Variants in ARPC1A observed in about 807,000 individuals in gnomAD.
The protein encoded by ARPC1A is actin-related protein 2/3 complex subunit 1A.
In ARPC1A, 8 loss-of-function variants were observed where a neutral mutation model predicts 46.9. That is an observed-to-expected ratio of 0.17 (90% CI 0.10 to 0.31). The LOEUF (loss-of-function observed/expected upper bound fraction) is 0.31, where lower values mean the gene tolerates loss of function less well. Ranked by LOEUF, ARPC1A falls within the 10% of genes least tolerant of loss-of-function variation. ARPC1A has a pLI of 1.00. For synonymous variants in ARPC1A, 152 were observed against 169.0 expected (o/e 0.90, Z 0.78); for missense variants, 286 against 483.6 (o/e 0.59, Z 3.83).
At chr7:99,356,508 G>A (rs890408275) in intron 6 of ARPC1A, among the ~76,000 whole-genome samples, 1 of 151,904 alleles carries the variant, frequency 6.6e-6, no homozygotes, top group African/African-American at 2.4e-5. Flanking sequence ...AGGAGGCTGA[G>A]GCAGGAGAAT....
At chr7:99,338,408 A>C in intron 3 of ARPC1A, 123 bp downstream of exon 3, 3 of 571,710 alleles carry the variant, frequency 5.2e-6, no homozygotes, top group Non-Finnish European at 8.0e-6. Flanking sequence ...TTTTTTGAGA[A>C]GGAGTATCAC....
At chr7:99,352,701 A>T (rs1283311206) in intron 5 of ARPC1A, among the ~76,000 whole-genome samples, 1 of 151,484 alleles carries the variant, frequency 6.6e-6, no homozygotes, top group Non-Finnish European at 1.5e-5. Flanking sequence ...GTGGTGGCTC[A>T]TGCCTGTAAT....
chr7:99,345,961 C>T (rs1793438166), intron 4 of ARPC1A, among the ~76,000 whole-genome samples: 2 of 152,024 alleles, frequency 1.3e-5, no homozygotes, highest in African/African-American at 4.8e-5. Context: ...TGCCTGTAAC[C>T]CCAGCACTTT....
At chr7:99,349,848 TA>T (rs1352214424) in intron 5 of ARPC1A, among the ~76,000 whole-genome samples, 1 of 139,306 alleles carries the variant, frequency 7.2e-6, no homozygotes, top group African/African-American at 2.7e-5. Context: ...TCAAAATAAA[TA>T]AATAAATAAA....
intron 5 of ARPC1A, among the ~76,000 whole-genome samples, chr7:99,352,340 C>CAGT (rs965193661): frequency 1.3e-5 from 2 of 152,062 alleles, no homozygotes; most frequent in Non-Finnish European, 2.9e-5. Context: ...GCCTGACACA[C>CAGT]AGTAGGTGCT....
intron 6 of ARPC1A, among the ~76,000 whole-genome samples, chr7:99,356,329 G>A (rs1190661181): frequency 6.6e-6 from 1 of 152,222 alleles, no homozygotes. Context: ...CTCAGGCCGG[G>A]TGCAGTGGCT....
At chr7:99,344,547 TC>T in intron 4 of ARPC1A, 32 bp downstream of exon 4, 1 of 1,604,214 alleles carries the variant, frequency 6.2e-7, no homozygotes. Context: ...TCTATCCCTC[TC>T]TATAGAATTT....
In ARPC1A at chr7:99,358,660, C is replaced by G. The variant is rs1793684410; in HGVS notation, c.789+245C>G. On this transcript the variant is annotated intron_variant, in intron 7 of 9. Coordinates refer to ENST00000262942, the MANE Select transcript of ARPC1A (RefSeq NM_006409.4). ...GGTTCAAGCGATTCTCCCGCCTCAG[C>G]CTCTCGAGGAACTGGGAATATAGGC... 10 of 438,994 alleles carry G rather than the reference C, an allele frequency of 2.3e-5. 1 individual carries two copies. In the South Asian group the frequency reaches 2.5e-4, roughly 11 times the overall value. 27.2% of individuals were successfully genotyped at this position (438,994 alleles called of 1,614,324 possible).
Position 99,338,290 on chromosome 7 carries a change from A to G in ARPC1A, c.169+5A>G. ...AGCACAACGGACACATCACAGGTAA[A>G]GGAAGATAGCCGTGAGCTTAGTGTG... is the stretch of plus-strand genomic sequence containing the variant. On this transcript the variant is annotated splice_donor_5th_base_variant and intron_variant, in intron 3 of 9. Transcript: ENST00000262942. 1 of 1,586,722 alleles carries G rather than the reference A, an allele frequency of 6.3e-7. No homozygotes were observed. The highest frequency in any genetic ancestry group is 8.6e-7 in the Non-Finnish European group (1 of 1,158,176).
chr7:99,353,113 TTTATGTTATG>T (rs201492356), intron 5 of ARPC1A, among the ~76,000 whole-genome samples: 25,382 of 136,232 alleles, frequency 0.19, 2,459 homozygotes, highest in South Asian at 0.27. Context: ...TTTAGTTTAG[TTTATGTTATG>T]TTATGTTATG....
At chr7:99,327,727 G>A (rs1322859015) in intron 1 of ARPC1A, among the ~76,000 whole-genome samples, 2 of 152,004 alleles carry the variant, frequency 1.3e-5, no homozygotes, top group Non-Finnish European at 2.9e-5. Flanking sequence ...TTTTGGACGC[G>A]GAGTGGTGAT....
intron 8 of ARPC1A, among the ~76,000 whole-genome samples, chr7:99,363,073 T>C (rs1282854211): frequency 6.6e-6 from 1 of 152,208 alleles, no homozygotes; most frequent in Non-Finnish European, 1.5e-5. Context: ...GCTGTGGTCC[T>C]ACCCACAACC....
rs754781207 is a variant in ARPC1A, at chr7:99,365,926, G to A, written c.1110G>A (p.Met370Ile). 2.5e-6 allele frequency: 4 copies of A among 1,571,708 alleles called. No homozygotes were observed. Among genetic ancestry groups the A allele is most frequent in the Non-Finnish European group, 3.5e-6 (4 of 1,156,500 alleles). ...LESSIQGLRI[M>I] ...CTTCCATCCAGGGCCTCCGGATAATGTGAAGCTGAGTGAGCCTCCGCCATC... is the reference window on the plus strand; with the variant it reads ...CTTCCATCCAGGGCCTCCGGATAATATGAAGCTGAGTGAGCCTCCGCCATC... The change falls in exon 10 of 10, where the codon ATG becomes ATA. Residue 370 changes from methionine (M) to isoleucine (I), a missense_variant. Transcript: ENST00000262942.
rs199658497 is a variant in ARPC1A at position 99,358,398 on chromosome 7, A to G, written c.772A>G (p.Asn258Asp). The change falls in exon 7 of 10, where the codon AAC becomes GAC. Residue 258 changes from asparagine (N) to aspartate (D), a missense_variant. Asn to Asp is a conservative substitution (Grantham distance 23). Transcript: ENST00000262942. ...PLLSVSFVSENSVVAAGHDCC... is the reference protein window; with the variant it reads ...PLLSVSFVSEDSVVAAGHDCC... ...CCTAAGTGTGTCATTTGTCTCAGAG[A>G]ACAGCGTCGTGGCTGCTGTGAGTAT... is the stretch of plus-strand genomic sequence containing the variant. 10 of 1,614,098 alleles carry G rather than the reference A, an allele frequency of 6.2e-6. No homozygotes were observed. In the African/African-American group the frequency reaches 1.1e-4, roughly 17 times the overall value.
chr7:99,345,653 A>C (rs1049329467), intron 4 of ARPC1A, among the ~76,000 whole-genome samples: 1 of 151,354 alleles, frequency 6.6e-6, no homozygotes, highest in African/African-American at 2.4e-5. Context: ...GTGAGATTCT[A>C]TCTCAAAAAA....
In ARPC1A at chr7:99,366,030, A is replaced by T; in HGVS notation, c.*101A>T. The T allele has an allele frequency of 7.3e-7, 1 of 1,374,860 alleles. No homozygotes were observed. The highest frequency in any genetic ancestry group is 1.0e-6 in the Non-Finnish European group (1 of 995,180). 85.2% of individuals were successfully genotyped at this position (1,374,860 alleles called of 1,614,324 possible). Reference sequence around the variant, plus strand: ...AGCCAGCCCCAAGGAAACACTGAAAACACATATCACGCCAATGCCGTGTGG... The same window carrying T: ...AGCCAGCCCCAAGGAAACACTGAAATCACATATCACGCCAATGCCGTGTGG... On this transcript the variant is annotated 3_prime_UTR_variant, in exon 10 of 10. Coordinates refer to ENST00000262942, the MANE Select transcript of ARPC1A (RefSeq NM_006409.4).
At position 99,365,956 on chromosome 7, in the gene ARPC1A, A is replaced by G; in HGVS notation, c.*27A>G. On this transcript the variant is annotated 3_prime_UTR_variant, in exon 10 of 10. Coordinates refer to ENST00000262942, the MANE Select transcript of ARPC1A (RefSeq NM_006409.4). ...GCTGAGTGAGCCTCCGCCATCCAGC[A>G]TGACAAACTGTGGCCGACCGCAGCT... The G allele has an allele frequency of 6.4e-7, 1 of 1,563,406 alleles. No homozygotes were observed. Among genetic ancestry groups the G allele is most frequent in the Non-Finnish European group, 8.7e-7 (1 of 1,152,190 alleles).
At chr7:99,331,052 A>G (rs930996334) in intron 1 of ARPC1A, among the ~76,000 whole-genome samples, 5 of 152,238 alleles carry the variant, frequency 3.3e-5, no homozygotes. Context: ...CTTTGCCTAG[A>G]TTCACCAGTT....
intron 1 of ARPC1A, among the ~76,000 whole-genome samples, chr7:99,329,924 C>T (rs559408394): frequency 2.8e-4 from 42 of 152,068 alleles, no homozygotes; most frequent in African/African-American, 9.6e-4. Context: ...TGAACTAAAG[C>T]GCTTTTAATT....
Sources: allele counts gnomAD v4.1 joint callset (sites outside exome capture counted in the v4.1 genomes callset), GRCh38; gene constraint gnomAD v4.1.1; transcripts MANE v1.5; gene names NCBI Gene and HGNC (gene_info 2026-07-23, HGNC 2026-07-21).